Variants in BPTF observed in about 807,000 individuals in gnomAD.
BPTF encodes bromodomain PHD finger transcription factor.
A neutral mutation model predicts 292.5 loss-of-function variants in BPTF; 18 were observed. The observed-to-expected ratio is 0.06, with a 90% CI of 0.04 to 0.09. BPTF has a LOEUF of 0.09. Ranked by LOEUF, BPTF falls within the 10% of genes least tolerant of loss-of-function variation. The probability of loss-of-function intolerance (pLI) is 1.00; values close to 1 mark genes in which losing one functional copy is unlikely to be tolerated. For missense variants in BPTF, 2,726 were observed against 3,498.7 expected (o/e 0.78, Z 5.57); for synonymous variants, 1,225 against 1,251.9 (o/e 0.98, Z 0.45).
At chr17:67,933,438 G>T (rs1266617471) in intron 18 of BPTF, among the ~76,000 whole-genome samples, 1 of 151,744 alleles carries the variant, frequency 6.6e-6, no homozygotes, top group Non-Finnish European at 1.5e-5. Flanking sequence ...GCATCCTGGA[G>T]CACGCCTGTA....
chr17:67,879,892 A>G (rs2060285831), intron 4 of BPTF, among the ~76,000 whole-genome samples: 1 of 152,188 alleles, frequency 6.6e-6, no homozygotes, highest in African/African-American at 2.4e-5. Context: ...ATCCGTCCCC[A>G]GAATCCAAAC....
intron 2 of BPTF, among the ~76,000 whole-genome samples, 183 bp from the exon 3 acceptor site, chr17:67,866,281 G>GT (rs1380299969): frequency 6.6e-6 from 1 of 152,078 alleles, no homozygotes; most frequent in Non-Finnish European, 1.5e-5. Context: ...TTTGTGTCAT[G>GT]TTTTTTAGAT....
At chr17:67,979,762 C>T (rs772189308) in intron 27 of BPTF, among the ~76,000 whole-genome samples, 7 of 152,086 alleles carry the variant, frequency 4.6e-5, no homozygotes, top group Non-Finnish European at 7.3e-5. Flanking sequence ...TTACCCTGGC[C>T]GGGCGCAGTG....
At chr17:67,871,648 C>T (rs755377961) in intron 3 of BPTF, among the ~76,000 whole-genome samples, 10 of 151,874 alleles carry the variant, frequency 6.6e-5, no homozygotes, top group Non-Finnish European at 1.5e-4. Context: ...CTTCTAAAAC[C>T]TGGTAGGTTA....
chr17:67,928,497 T>C lies in BPTF; in HGVS notation c.5894T>C (p.Val1965Ala). ...SGSVTTGTKMVLTTKVGSPAT... is the reference protein window; with the variant it reads ...SGSVTTGTKMALTTKVGSPAT... ...TCAGTTACAACTGGAACCAAAATGG[T>C]ACTAACTACTAAAGTTGGATCTCCA... Residue 1965 changes from valine (V) to alanine (A), a missense_variant, in exon 16 of 28, where the codon GTA (valine) becomes GCA (alanine). Coordinates refer to ENST00000306378, the MANE Select transcript of BPTF (RefSeq NM_182641.4). 1.2e-6 allele frequency: 2 copies of C among 1,614,136 alleles called. No homozygotes were observed. Among genetic ancestry groups the C allele is most frequent in the Non-Finnish European group, 1.7e-6 (2 of 1,180,014 alleles).
intron 12 of BPTF, among the ~76,000 whole-genome samples, chr17:67,919,231 T>A (rs2147149992): frequency 6.7e-6 from 1 of 149,718 alleles, no homozygotes; most frequent in African/African-American, 2.4e-5. Context: ...AATATAATGC[T>A]TGTTTTTTAG....
chr17:67,936,656 G>A (rs762131504), intron 18 of BPTF: 4 of 152,096 alleles, frequency 2.6e-5, no homozygotes, highest in African/African-American at 4.8e-5. Flanking sequence ...CAACCCTGCC[G>A]CCTGGCTGTG....
At chr17:67,881,117 G>A (rs751212184) in intron 4 of BPTF, among the ~76,000 whole-genome samples, 3 of 152,014 alleles carry the variant, frequency 2.0e-5, no homozygotes, top group Non-Finnish European at 4.4e-5. Context: ...AATGATAGGA[G>A]TGAGAACATA....
Position 67,945,815 on chromosome 17 carries a change from TACAACCTC to T in BPTF, c.7114_7121del (p.Ser2372AspfsTer148), listed in dbSNP as rs2065767777. 1 of 1,614,062 alleles carries T rather than the reference TACAACCTC, an allele frequency of 6.2e-7. No homozygotes were observed. Among genetic ancestry groups the T allele is most frequent in the Admixed American group, 1.7e-5 (1 of 60,000 alleles). On this transcript the variant is annotated frameshift_variant, in exon 21 of 28. Transcript: ENST00000306378. LOFTEE classifies it high-confidence loss of function. Reference sequence around the variant, plus strand: ...CTGGACAACAATCCCAGGTTCAGACTACAACCTCACAACCGATTCCAATTCAACCACAT... The same window carrying T: ...CTGGACAACAATCCCAGGTTCAGACTACAACCGATTCCAATTCAACCACAT...
intron 1 of BPTF, among the ~76,000 whole-genome samples, chr17:67,848,187 T>A (rs914795981): frequency 2.0e-5 from 3 of 152,104 alleles, no homozygotes; most frequent in African/African-American, 7.2e-5. Flanking sequence ...TTTTTTTGAA[T>A]TAGTACAATA....
intron 1 of BPTF, among the ~76,000 whole-genome samples, chr17:67,839,137 A>C (rs541762651): frequency 2.6e-4 from 40 of 152,194 alleles, no homozygotes; most frequent in African/African-American, 9.6e-4. Flanking sequence ...AATAAAAAAA[A>C]AAGAAAAAAA....
In BPTF at chr17:67,983,752, T is replaced by A. The variant is rs552883501; in HGVS notation, c.*1464T>A. ...GCACTAACTCATATTAGCTTTGTCC[T>A]ACCAACTTCTGGAATTTATCTAATT... On this transcript the variant is annotated 3_prime_UTR_variant, in exon 28 of 28. Coordinates refer to ENST00000306378, the MANE Select transcript of BPTF (RefSeq NM_182641.4). 1.3e-5 allele frequency: 2 copies of A among 152,808 alleles called. No homozygotes were observed. The highest frequency in any genetic ancestry group is 4.1e-4 in the South Asian group (2 of 4,828). The allele number at this position is 152,808 out of a possible 1,614,324, so 9.5% of individuals were successfully genotyped here.
chr17:67,953,009 G>A (rs1209973989), intron 23 of BPTF, among the ~76,000 whole-genome samples: 2 of 152,056 alleles, frequency 1.3e-5, no homozygotes, highest in African/African-American at 4.8e-5. Flanking sequence ...CGCCCAGGCT[G>A]GAGTGCAGTG....
intron 4 of BPTF, among the ~76,000 whole-genome samples, chr17:67,878,225 T>G (rs2060167272): frequency 6.6e-6 from 1 of 152,278 alleles, no homozygotes. Context: ...TTGCTAGTAG[T>G]AGCAGCTTAT....
At chr17:67,961,218 A>G (rs2067450631) in intron 24 of BPTF, among the ~76,000 whole-genome samples, 1 of 152,226 alleles carries the variant, frequency 6.6e-6, no homozygotes, top group African/African-American at 2.4e-5. Flanking sequence ...ATTGCATAAA[A>G]TGAGGCACAC....
chr17:67,976,249 G>A (rs1788817797), intron 27 of BPTF, among the ~76,000 whole-genome samples: 1 of 152,200 alleles, frequency 6.6e-6, no homozygotes, highest in South Asian at 2.1e-4. Flanking sequence ...AAGGCAGGCA[G>A]ATCACCTGAG....
intron 26 of BPTF, among the ~76,000 whole-genome samples, chr17:67,966,931 C>G (rs1308872067): frequency 6.6e-6 from 1 of 151,620 alleles, no homozygotes. Flanking sequence ...GAAACCCCAT[C>G]TCTACTAAAA....
At chr17:67,926,469 C>T (rs1424811464) in intron 15 of BPTF, among the ~76,000 whole-genome samples, 24 of 151,364 alleles carry the variant, frequency 1.6e-4, no homozygotes, top group African/African-American at 5.3e-4. Context: ...TGACTATAGG[C>T]GCCCGCCACC....
chr17:67,843,830 A>G (rs1023784820), intron 1 of BPTF, among the ~76,000 whole-genome samples: 7 of 140,310 alleles, frequency 5.0e-5, no homozygotes, highest in African/African-American at 1.7e-4. Flanking sequence ...CAATGGCGCA[A>G]TCGTGGCTCA....
Sources: gnomAD v4.1 joint callset for allele counts (sites outside exome capture counted in the v4.1 genomes callset) on GRCh38, gnomAD v4.1.1 for gene constraint, MANE v1.5 for transcripts, NCBI Gene and HGNC (gene_info 2026-07-23, HGNC 2026-07-21) for gene names.